HDHD5: variants seen among roughly 807,000 people sequenced by gnomAD.
HDHD5 encodes haloacid dehalogenase-like hydrolase domain-containing 5.
HDHD5 carries 34 observed loss-of-function variants against 35.5 expected under a neutral mutation model. That is an observed-to-expected ratio of 0.96 (90% CI 0.73 to 1.28). The LOEUF (loss-of-function observed/expected upper bound fraction) is 1.28, where lower values mean the gene tolerates loss of function less well. Ranked by LOEUF, HDHD5 falls within the 50% of genes most tolerant of loss-of-function variation. The pLI, the probability that HDHD5 is intolerant of heterozygous loss-of-function variation, is 0.00. For synonymous variants in HDHD5, 248 were observed against 240.6 expected (o/e 1.03, Z -0.29); for missense variants, 589 against 560.2 (o/e 1.05, Z -0.52).
chr22:17,142,678 C>A, intron 5 of HDHD5: 1 of 161,162 alleles, frequency 6.2e-6, no homozygotes, highest in Non-Finnish European at 1.3e-5. Context: ...TTTTATATCC[C>A]CCTATTACAG....
At chr22:17,138,459 AAT>A (rs1260083356) in intron 7 of HDHD5, 89 bp downstream of exon 7, 28 of 1,540,076 alleles carry the variant, frequency 1.8e-5, no homozygotes, top group Non-Finnish European at 2.3e-5. Context: ...CAGAAGAGTG[AAT>A]TAGATATAGG....
upstream of HDHD5, among the ~76,000 whole-genome samples, chr22:17,163,329 C>T (rs2061874722): frequency 6.6e-6 from 1 of 152,182 alleles, no homozygotes; most frequent in Admixed American, 6.5e-5. Flanking sequence ...CTAACTTGAG[C>T]ATCCATCAGA....
upstream of HDHD5, among the ~76,000 whole-genome samples, chr22:17,160,210 C>T (rs1285113553): frequency 6.6e-6 from 1 of 152,152 alleles, no homozygotes; most frequent in Admixed American, 6.5e-5. Flanking sequence ...ACAGAGACTG[C>T]ACTAGCTCAC....
chr22:17,143,018 C>T (rs2061616160), intron 5 of HDHD5, 80 bp downstream of exon 5: 3 of 1,504,692 alleles, frequency 2.0e-6, no homozygotes, highest in Admixed American at 3.8e-5. Context: ...AGGCTGCAGG[C>T]AGTCACACTG....
At chr22:17,150,747 GACC>G (rs2061717396) in intron 1 of HDHD5, among the ~76,000 whole-genome samples, 1 of 152,116 alleles carries the variant, frequency 6.6e-6, no homozygotes, top group African/African-American at 2.4e-5. Context: ...TTGAACTCCT[GACC>G]TTAGGTGATT....
At chr22:17,152,204 A>T (rs1180008235) in intron 1 of HDHD5, among the ~76,000 whole-genome samples, 2 of 152,194 alleles carry the variant, frequency 1.3e-5, no homozygotes, top group Admixed American at 6.5e-5. Flanking sequence ...TTGAAAATGG[A>T]AAGTGGTATC....
In HDHD5 at chr22:17,159,071, C is replaced by T. The variant is rs2061837128; in HGVS notation, c.126+55G>A. ...GCCCCTCCTTCCCCGCGGCTCCCCGCCCCGCCTCCGGCCCTGAGTGGCGAG... is the reference window on the plus strand; with the variant it reads ...GCCCCTCCTTCCCCGCGGCTCCCCGTCCCGCCTCCGGCCCTGAGTGGCGAG... On this transcript the variant is annotated intron_variant, in intron 1 of 7. Coordinates refer to ENST00000336737, the MANE Select transcript of HDHD5 (RefSeq NM_033070.3). The T allele has an allele frequency of 6.6e-6, 8 of 1,212,040 alleles. No homozygotes were observed. The Admixed American group carries it at 2.9e-4, about 44-fold the overall frequency. 75.1% of individuals were successfully genotyped at this position (1,212,040 alleles called of 1,614,324 possible).
At chr22:17,159,695 G>T, upstream of HDHD5, 1 of 304,260 alleles carries the variant, frequency 3.3e-6, no homozygotes, top group South Asian at 2.3e-5. Context: ...TGCCAGTCAA[G>T]GGACGCTCGT....
upstream of HDHD5, among the ~76,000 whole-genome samples, chr22:17,164,213 T>G (rs1291205165): frequency 8.0e-6 from 1 of 124,904 alleles, no homozygotes; most frequent in Admixed American, 9.1e-5. Flanking sequence ...AGAGTGAGAC[T>G]CCATCTCAGA....
Position 17,138,651 on chromosome 22 carries a change from GC to G in HDHD5, c.833del (p.Gly278AlafsTer14). On this transcript the variant is annotated frameshift_variant, in exon 7 of 8. Transcript: ENST00000336737. LOFTEE classifies it high-confidence loss of function. ...GKELRYEGLMGKPSILTYQYA... is the reference protein window; with the variant it reads ...GKELRYEGLMXKPSILTYQYA... ...ACTGGTAAGTGAGGATGCTGGGTTT[GC>G]CCATCAGGCCCTCGTATCTCAGCTC... 6.2e-7 allele frequency: 1 copy of G among 1,614,250 alleles called. No homozygotes were observed. Among genetic ancestry groups the G allele is most frequent in the Non-Finnish European group, 8.5e-7 (1 of 1,180,036 alleles).
In HDHD5 at chr22:17,138,633, AGT is replaced by A; in HGVS notation, c.850_851del (p.Thr284LeufsTer29). On this transcript the variant is annotated frameshift_variant, in exon 7 of 8. Transcript: ENST00000336737. LOFTEE classifies it high-confidence loss of function. ...TGATCAGGTCCTCGGCATACTGGTA[AGT>A]GAGGATGCTGGGTTTGCCCATCAGG... ...EGLMGKPSILTYQYAEDLIRR... is the reference protein window; with the variant it reads ...EGLMGKPSILXYQYAEDLIRR... 1 of 1,614,174 alleles carries A rather than the reference AGT, an allele frequency of 6.2e-7. No individual in the cohort carries two copies. Among genetic ancestry groups the A allele is most frequent in the Non-Finnish European group, 8.5e-7 (1 of 1,179,998 alleles).
chr22:17,153,717 C>T (rs1013057716), intron 1 of HDHD5, among the ~76,000 whole-genome samples: 1 of 152,116 alleles, frequency 6.6e-6, no homozygotes, highest in Non-Finnish European at 1.5e-5. Flanking sequence ...ATGTGATTTG[C>T]CCTTTACCCC....
At chr22:17,156,862 G>C (rs2061798530) in intron 1 of HDHD5, among the ~76,000 whole-genome samples, 1 of 151,080 alleles carries the variant, frequency 6.6e-6, no homozygotes, top group Non-Finnish European at 1.5e-5. Flanking sequence ...GGCGGATCAT[G>C]AGGTCAGGAG....
In HDHD5 at chr22:17,149,548, C is replaced by T. The variant is rs1313657857; in HGVS notation, c.324G>A (p.Gly108=). The T allele has an allele frequency of 6.2e-7, 1 of 1,611,828 alleles. No homozygotes were observed. The highest frequency in any genetic ancestry group is 1.1e-5 in the South Asian group (1 of 91,004). Residue 108 remains glycine (G), a synonymous_variant, in exon 2 of 8, where the codon GGG becomes GGA. Transcript: ENST00000336737. The part of the protein sequence containing the change: ...SKAQELSALL[G]CEVDADQVIL... ...CCTCTGGCTGCCTTCTCACCTCGCA[C>T]CCCAGCAGGGCTGACAGCTCCTGGG...
chr22:17,145,735 A>G (rs1242290728), intron 3 of HDHD5, among the ~76,000 whole-genome samples: 1 of 152,136 alleles, frequency 6.6e-6, no homozygotes, highest in Non-Finnish European at 1.5e-5. Flanking sequence ...TAGCACATTC[A>G]GAGCCCATCA....
At chr22:17,140,809 G>A (rs1395383120) in intron 6 of HDHD5, among the ~76,000 whole-genome samples, 6 of 152,140 alleles carry the variant, frequency 3.9e-5, no homozygotes, top group Admixed American at 3.9e-4. Context: ...AGGGGGCAGG[G>A]GTCACGTGTG....
At chr22:17,157,271 C>CTTTTCTTTTT (rs1555881573) in intron 1 of HDHD5, among the ~76,000 whole-genome samples, 1 of 136,696 alleles carries the variant, frequency 7.3e-6, no homozygotes, top group Non-Finnish European at 1.6e-5. Flanking sequence ...GGTTAATTTT[C>CTTTTCTTTTT]TTTTTTTTTT....
At chr22:17,154,380 G>A (rs1299531682) in intron 1 of HDHD5, among the ~76,000 whole-genome samples, 1 of 33,028 alleles carries the variant, frequency 3.0e-5, no homozygotes, top group African/African-American at 1.9e-4. Flanking sequence ...TACTCGGAAG[G>A]CTGAGGCAGA....
At chr22:17,159,292 C>CG (rs1420143968), upstream of HDHD5, 3 of 1,238,030 alleles carry the variant, frequency 2.4e-6, no homozygotes, top group South Asian at 1.7e-5. Flanking sequence ...TGCGGCCCCC[C>CG]CCCCCCGCGA....
Sources: gnomAD v4.1 joint callset for allele counts (sites outside exome capture counted in the v4.1 genomes callset) on GRCh38, gnomAD v4.1.1 for gene constraint, MANE v1.5 for transcripts, NCBI Gene and HGNC (gene_info 2026-07-23, HGNC 2026-07-21) for gene names.